Variants in TLN2 observed in about 807,000 individuals in gnomAD.
TLN2 encodes talin-2.
Under a neutral mutation model 294.7 loss-of-function variants are expected in TLN2, and 118 were observed. The ratio of observed to expected loss-of-function variants is 0.40; its 90% confidence interval spans 0.34 to 0.47. The LOEUF is 0.47. TLN2 is among the 20% of genes least tolerant of loss of function. The pLI is 0.84. For missense variants in TLN2, 3,083 were observed against 3,282.2 expected (o/e 0.94, Z 1.48); for synonymous variants, 1,431 against 1,304.5 (o/e 1.10, Z -2.09).
intron 37 of TLN2, among the ~76,000 whole-genome samples, chr15:62,755,974 G>C (rs1305342431): frequency 6.6e-6 from 1 of 152,130 alleles, no homozygotes; most frequent in Non-Finnish European, 1.5e-5. Flanking sequence ...GGTGGGAAAG[G>C]GTTGGTTATA....
chr15:62,666,983 T>G (rs2054737214), intron 9 of TLN2, among the ~76,000 whole-genome samples: 1 of 152,162 alleles, frequency 6.6e-6, no homozygotes, highest in African/African-American at 2.4e-5. Flanking sequence ...TTTTCTTTTT[T>G]GAGATGGAGT....
chr15:62,659,458 T>C (rs2053585817), intron 9 of TLN2, among the ~76,000 whole-genome samples: 1 of 152,236 alleles, frequency 6.6e-6, no homozygotes, highest in Admixed American at 6.5e-5. Context: ...CAAATCATCA[T>C]GAATGTTACT....
rs945985228 is a variant in TLN2 at position 62,796,107 on chromosome 15, C to T, written c.5884-20C>T. ...TCTCTCCATTTCTTAGCTCCCCTCA[C>T]ATTCCCTTTCTGCCTACAGGTCTCC... On this transcript the variant is annotated intron_variant, in intron 46 of 58. Transcript: ENST00000636159. 2 of 1,611,080 alleles carry T rather than the reference C, an allele frequency of 1.2e-6. No homozygotes were observed. The highest frequency in any genetic ancestry group is 8.5e-7 in the Non-Finnish European group (1 of 1,179,016).
intron 3 of TLN2, among the ~76,000 whole-genome samples, chr15:62,629,013 G>C (rs962427231): frequency 6.6e-6 from 1 of 152,054 alleles, no homozygotes; most frequent in African/African-American, 2.4e-5. Flanking sequence ...CCTGGACAAT[G>C]TAGTGAGATC....
chr15:62,710,254 G>T (rs2059339059), intron 21 of TLN2, among the ~76,000 whole-genome samples: 1 of 152,006 alleles, frequency 6.6e-6, no homozygotes, highest in Non-Finnish European at 1.5e-5. Flanking sequence ...GGAGTTGCTG[G>T]GCCAGTAGGT....
intron 1 of TLN2, among the ~76,000 whole-genome samples, chr15:62,431,892 A>T (rs1044921442): frequency 3.3e-5 from 5 of 152,336 alleles, no homozygotes; most frequent in Admixed American, 1.3e-4. Flanking sequence ...TATCAGGGAT[A>T]CAAATGTAGA....
rs370005049 is a variant in TLN2, at chr15:62,702,781, T to A, written c.1921T>A (p.Leu641Met). 1.2e-6 allele frequency: 2 copies of A among 1,614,202 alleles called. No homozygotes were observed. The highest frequency in any genetic ancestry group is 1.7e-6 in the Non-Finnish European group (2 of 1,180,024). Reference sequence around the variant, plus strand: ...TTGTTCACAGCCTCGACAGACAGTTTTGACTGCTGCTGGCAGCATCGGACA... The same window carrying A: ...TTGTTCACAGCCTCGACAGACAGTTATGACTGCTGCTGGCAGCATCGGACA... ...PTSGEPRQTV[L>M]TAAGSIGQAS... is the part of the protein sequence containing the mutation. The change falls in exon 19 of 59, where the codon TTG becomes ATG. Residue 641 changes from leucine (L) to methionine (M), a missense_variant. Transcript: ENST00000636159.
At chr15:62,462,112 G>A (rs1358100806) in intron 1 of TLN2, among the ~76,000 whole-genome samples, 6 of 152,230 alleles carry the variant, frequency 3.9e-5, no homozygotes, top group African/African-American at 1.4e-4. Flanking sequence ...GCGGGTGCCT[G>A]TAGTCCCAGC....
At chr15:62,707,045 A>G in intron 19 of TLN2, 41 bp from the exon 20 acceptor site, 1 of 1,564,896 alleles carries the variant, frequency 6.4e-7, no homozygotes, top group Non-Finnish European at 8.7e-7. Context: ...AAAGGTGATT[A>G]GAGAAAAATA....
chr15:62,779,021 C>A (rs1441989316), intron 43 of TLN2, among the ~76,000 whole-genome samples: 2 of 152,208 alleles, frequency 1.3e-5, no homozygotes, highest in Non-Finnish European at 2.9e-5. Context: ...TTGGTTAAAA[C>A]TCTGAGATAC....
At chr15:62,654,737 A>G (rs1009171963) in intron 7 of TLN2, among the ~76,000 whole-genome samples, 3 of 134,778 alleles carry the variant, frequency 2.2e-5, no homozygotes, top group Non-Finnish European at 4.6e-5. Context: ...CCTGGGTGAC[A>G]GAGCGTGACT....
At chr15:62,720,528 GGACC>G (rs766095002) in intron 25 of TLN2, among the ~76,000 whole-genome samples, 10 of 152,104 alleles carry the variant, frequency 6.6e-5, no homozygotes, top group Non-Finnish European at 1.5e-4. Context: ...GATAGTTGTA[GGACC>G]CAGTGATACA....
chr15:62,708,511 C>T lies in TLN2; in HGVS notation c.2182C>T (p.Pro728Ser). ...TCCTGTCTCACTTCAGGTTGTGAGC[C>T]CCACTATTAGCTCCCCTGTGTGCCA... ...QLVACAKVVS[P>S]TISSPVCQEQ... Residue 728 changes from proline (P) to serine (S), a missense_variant, in exon 21 of 59, where the codon CCC (proline) becomes TCC (serine). Pro to Ser is a moderately conservative substitution (Grantham distance 74, BLOSUM62 -1). Coordinates refer to ENST00000636159, the MANE Select transcript of TLN2 (RefSeq NM_015059.3). 1 of 1,612,606 alleles carries T rather than the reference C, an allele frequency of 6.2e-7. No homozygotes were observed. The highest frequency in any genetic ancestry group is 1.3e-5 in the African/African-American group (1 of 74,994).
chr15:62,606,624 A>G (rs964922775), intron 2 of TLN2, among the ~76,000 whole-genome samples: 6 of 152,174 alleles, frequency 3.9e-5, no homozygotes, highest in African/African-American at 1.4e-4. Flanking sequence ...TCACCCCAGT[A>G]TTGCTGGCTG....
Position 62,762,383 on chromosome 15 carries a change from A to G in TLN2, c.4891A>G (p.Thr1631Ala), listed in dbSNP as rs760810270. 3.7e-6 allele frequency: 6 copies of G among 1,614,008 alleles called. No homozygotes were observed. In the Middle Eastern group the frequency reaches 4.9e-4, roughly 133 times the overall value. Reference protein sequence around the residue: ...SLAINPKDPPTWSVLAGHSHT... With the variant: ...SLAINPKDPPAWSVLAGHSHT... ...GGCCATCAACCCCAAAGACCCACCC[A>G]CCTGGTCTGTACTGGCTGGACATTC... Residue 1631 changes from threonine (T) to alanine (A), a missense_variant, in exon 39 of 59, where the codon ACC becomes GCC. Physicochemically the swap from Thr to Ala is moderately conservative, Grantham distance 58. Coordinates refer to ENST00000636159, the MANE Select transcript of TLN2 (RefSeq NM_015059.3).
intron 14 of TLN2, among the ~76,000 whole-genome samples, chr15:62,694,687 A>G (rs1399532352): frequency 6.6e-6 from 1 of 152,184 alleles, no homozygotes; most frequent in Non-Finnish European, 1.5e-5. Flanking sequence ...TTTAAATCTC[A>G]TGATCGAATC....
intron 1 of TLN2, among the ~76,000 whole-genome samples, chr15:62,480,718 A>G (rs538015634): frequency 2.0e-5 from 3 of 152,222 alleles, no homozygotes; most frequent in Admixed American, 2.0e-4. Flanking sequence ...GCCCTACGTT[A>G]CCACACTTGG....
At chr15:62,464,573 T>TA (rs548638657) in intron 1 of TLN2, among the ~76,000 whole-genome samples, 76 of 146,996 alleles carry the variant, frequency 5.2e-4, no homozygotes, top group Admixed American at 8.1e-4. Flanking sequence ...AAAGTATATT[T>TA]AAAAAAAAAA....
chr15:62,811,104 G>A (rs1239679540), intron 52 of TLN2, among the ~76,000 whole-genome samples: 2 of 152,130 alleles, frequency 1.3e-5, no homozygotes, highest in Non-Finnish European at 2.9e-5. Context: ...CCCAGCTCTG[G>A]GCATTTCACT....
Sources: allele counts gnomAD v4.1 joint callset (sites outside exome capture counted in the v4.1 genomes callset), GRCh38; gene constraint gnomAD v4.1.1; transcripts MANE v1.5; gene names NCBI Gene and HGNC (gene_info 2026-07-23, HGNC 2026-07-21).